The following TBC1D31 variants were observed in gnomAD, a reference collection of about 807,000 sequenced individuals.
TBC1D31 encodes WD repeat domain 67.
In TBC1D31, 99 loss-of-function variants were observed where a neutral mutation model predicts 132.9. That is an observed-to-expected ratio of 0.74 (90% CI 0.63 to 0.88). The LOEUF is 0.88. Ranked by LOEUF, TBC1D31 falls within the 40% of genes least tolerant of loss-of-function variation. The pLI, the probability that TBC1D31 is intolerant of heterozygous loss-of-function variation, is 0.00. For missense variants in TBC1D31, 1,134 were observed against 1,256.6 expected, an observed-to-expected ratio of 0.90 and a Z score of 1.48; for synonymous variants, 385 against 419.4, an observed-to-expected ratio of 0.92 and a Z score of 1.00.
At chr8:123,164,603 T>G in the TBC1D31 span, among the ~76,000 whole-genome samples, 1 of 152,050 alleles carries the variant, frequency 6.6e-6, no homozygotes, top group Middle Eastern at 3.4e-3. Context: ...GTGCCTGTAA[T>G]CCTAGCTACT....
intron 10 of TBC1D31, among the ~76,000 whole-genome samples, chr8:123,116,703 A>G (rs1483066270): frequency 6.6e-6 from 1 of 152,174 alleles, no homozygotes; most frequent in Non-Finnish European, 1.5e-5. Flanking sequence ...TTTTAGTGCC[A>G]TAAAGTAAGG....
Position 123,082,731 on chromosome 8 carries a change from C to G in TBC1D31, c.254C>G (p.Ala85Gly). 1 of 1,612,718 alleles carries G rather than the reference C, an allele frequency of 6.2e-7. No individual in the cohort carries two copies. The highest frequency in any genetic ancestry group is 8.5e-7 in the Non-Finnish European group (1 of 1,179,882). The change falls in exon 3 of 22, where the codon GCT becomes GGT. Residue 85 changes from alanine (A) to glycine (G), a missense_variant. Ala to Gly is a moderately conservative substitution (Grantham distance 60). Transcript: ENST00000287380. ...RFNLVQRTAQ[A>G]CTALAFNLRR... is the part of the protein sequence containing the mutation. ...AATCTTGTTCAGCGAACAGCACAAG[C>G]TTGCACAGCTCTGGCCTTTAATCTT...
intron 10 of TBC1D31, among the ~76,000 whole-genome samples, chr8:123,118,380 A>T (rs1819156985): frequency 1.3e-5 from 2 of 152,160 alleles, no homozygotes; most frequent in African/African-American, 4.8e-5. Flanking sequence ...TTTTTTTTGT[A>T]AATCTAAAAC....
chr8:123,148,291 G>T (rs1259656517), intron 20 of TBC1D31, among the ~76,000 whole-genome samples: 1 of 152,210 alleles, frequency 6.6e-6, no homozygotes, highest in African/African-American at 2.4e-5. Flanking sequence ...TTTCACGAGT[G>T]AATATCCCCA....
In TBC1D31 at chr8:123,127,468, T is replaced by C. The variant is rs148702738; in HGVS notation, c.1884+781T>C. Among the ~76,000 whole-genome samples, 440 of 151,786 alleles carry C rather than the reference T, an allele frequency of 2.9e-3. 2 individuals carry two copies. Among genetic ancestry groups the C allele is most frequent in the African/African-American group, 0.01 (432 of 41,348 alleles). On this transcript the variant is annotated intron_variant, in intron 13 of 21. Transcript: ENST00000287380. ...TTATATTTTTAATAGAGACAGGATT[T>C]CACTAGGTTACCCAGGCTGGTCTCG...
chr8:123,082,904 G>A, intron 3 of TBC1D31, 87 bp downstream of exon 3: 1 of 892,498 alleles, frequency 1.1e-6, no homozygotes, highest in Non-Finnish European at 1.7e-6. Flanking sequence ...TACAGCTTGA[G>A]GGGGCAGTCC....
intron 16 of TBC1D31, among the ~76,000 whole-genome samples, chr8:123,133,262 C>G (rs1355850709): frequency 2.0e-5 from 3 of 152,162 alleles, no homozygotes; most frequent in Non-Finnish European, 4.4e-5. Context: ...TCCTAAAAAG[C>G]GTGATTTGCT....
chr8:123,125,903 T>A (rs1318207234), intron 11 of TBC1D31, among the ~76,000 whole-genome samples, 153 bp from the exon 12 acceptor site: 1 of 152,192 alleles, frequency 6.6e-6, no homozygotes, highest in East Asian at 1.9e-4. Flanking sequence ...ATGATAGGAT[T>A]TTAAAATCGA....
At chr8:123,163,500 G>T in the TBC1D31 span, among the ~76,000 whole-genome samples, 3 of 151,350 alleles carry the variant, frequency 2.0e-5, no homozygotes, top group African/African-American at 4.9e-5. Flanking sequence ...AAGTAGCTGG[G>T]ACCACATGGG....
intron 11 of TBC1D31, among the ~76,000 whole-genome samples, chr8:123,125,835 T>C (rs970811845): frequency 6.6e-6 from 1 of 152,174 alleles, no homozygotes; most frequent in Non-Finnish European, 1.5e-5. Context: ...TAATTAACAC[T>C]TTTTCATTGA....
chr8:123,126,022 T>C (rs1819991924), intron 11 of TBC1D31, 34 bp from the exon 12 acceptor site: 1 of 1,531,836 alleles, frequency 6.5e-7, no homozygotes, highest in African/African-American at 1.4e-5. Flanking sequence ...TGGAAAGATA[T>C]TTAAAGATAT....
chr8:123,081,339 C>G (rs1351512200), intron 2 of TBC1D31, among the ~76,000 whole-genome samples: 1 of 152,166 alleles, frequency 6.6e-6, no homozygotes, highest in African/African-American at 2.4e-5. Context: ...ACACTGTTGA[C>G]TTAGACCTAC....
Position 123,127,858 on chromosome 8 carries a change from C to G in TBC1D31, c.1885-423C>G, listed in dbSNP as rs1820227280. The G allele has an allele frequency of 5.8e-5, 9 of 155,960 alleles. No individual in the cohort carries two copies. In the South Asian group the frequency reaches 1.8e-3, roughly 31 times the overall value. 9.7% of individuals were successfully genotyped at this position (155,960 alleles called of 1,614,324 possible). A position where few individuals can be genotyped will look rare whatever the true frequency, so the allele number is the denominator to read the frequency against. ...GTCCAATTAAACTTTATTTTTACTT[C>G]ATGATCCTGTGATACATTAATTTGG... On this transcript the variant is annotated intron_variant, in intron 13 of 21. Transcript: ENST00000287380.
At position 123,140,783 on chromosome 8, in the gene TBC1D31, C is replaced by G; in HGVS notation, c.2522C>G (p.Ala841Gly). 1 of 1,605,394 alleles carries G rather than the reference C, an allele frequency of 6.2e-7. No homozygotes were observed. Among genetic ancestry groups the G allele is most frequent in the Non-Finnish European group, 8.5e-7 (1 of 1,177,864 alleles). ...CAGAATCTTACTGAAAATCAAGAAG[C>G]TCTTGCAAAAGAAATGCGAGCAGAT... ...YEKNLTENQE[A>G]LAKEMRADAD... is the part of the protein sequence containing the mutation. The change falls in exon 18 of 22, where the codon GCT becomes GGT. Residue 841 changes from alanine to glycine, a missense_variant. Coordinates refer to ENST00000287380, the MANE Select transcript of TBC1D31 (RefSeq NM_145647.4).
intron 18 of TBC1D31, 82 bp from the exon 19 acceptor site, chr8:123,142,180 C>T (rs1027972901): frequency 9.5e-7 from 1 of 1,058,110 alleles, no homozygotes; most frequent in African/African-American, 1.6e-5. Flanking sequence ...GCCCCAGACA[C>T]TTGGATACAT....
At chr8:123,146,133 G>C (rs145332206) in intron 20 of TBC1D31, among the ~76,000 whole-genome samples, 1,561 of 152,206 alleles carry the variant, frequency 0.01, 27 homozygotes, top group African/African-American at 0.036. Context: ...GCCTCCCAAA[G>C]TGCTGGGATT....
At chr8:123,104,559 GTTACC>G (rs1409957288) in intron 7 of TBC1D31, among the ~76,000 whole-genome samples, 13 of 152,116 alleles carry the variant, frequency 8.5e-5, no homozygotes, top group Non-Finnish European at 1.8e-4. Context: ...GAAAGCCTGA[GTTACC>G]TTATTTGCTC....
intron 20 of TBC1D31, among the ~76,000 whole-genome samples, chr8:123,146,938 A>G: frequency 6.6e-6 from 1 of 151,954 alleles, no homozygotes; most frequent in Non-Finnish European, 1.5e-5. Flanking sequence ...TGACCTCCCA[A>G]AGTGCTGGGA....
At chr8:123,101,402 G>GTTTAGT (rs1563697752) in intron 7 of TBC1D31, among the ~76,000 whole-genome samples, 1 of 151,808 alleles carries the variant, frequency 6.6e-6, no homozygotes, top group East Asian at 1.9e-4. Context: ...GTTTGTTTTT[G>GTTTAGT]TTTTGTTTTT....
Sources: gnomAD v4.1 joint callset for allele counts (sites outside exome capture counted in the v4.1 genomes callset) on GRCh38, gnomAD v4.1.1 for gene constraint, MANE v1.5 for transcripts, NCBI Gene and HGNC (gene_info 2026-07-23, HGNC 2026-07-21) for gene names.